TNKS: variants seen among roughly 807,000 people sequenced by gnomAD.
TNKS encodes the protein poly [ADP-ribose] polymerase tankyrase-1.
A neutral mutation model predicts 135.8 loss-of-function variants in TNKS; 72 were observed. The observed-to-expected ratio is 0.53, with a 90% CI of 0.44 to 0.64. The LOEUF (loss-of-function observed/expected upper bound fraction) is 0.64, where lower values mean the gene tolerates loss of function less well. Among genes scored for constraint, TNKS ranks in the 30% least tolerant of loss-of-function variants. TNKS has a pLI of 0.00. For synonymous variants in TNKS, 849 were observed against 649.3 expected (o/e 1.31, Z -4.68); for missense variants, 1,769 against 1,674.0 (o/e 1.06, Z -0.99).
intron 3 of TNKS, among the ~76,000 whole-genome samples, chr8:9,642,711 C>T (rs1218280908): frequency 2.1e-5 from 3 of 145,622 alleles, no homozygotes; most frequent in African/African-American, 7.6e-5. Context: ...GCTGTAGATA[C>T]TTTAATTCTC....
At chr8:9,644,133 T>C (rs1800823176) in intron 3 of TNKS, among the ~76,000 whole-genome samples, 2 of 151,908 alleles carry the variant, frequency 1.3e-5, no homozygotes, top group Admixed American at 1.3e-4. Flanking sequence ...GAATGGGGAA[T>C]TAGTGTTTAA....
At chr8:9,698,123 C>T (rs993253898) in intron 5 of TNKS, among the ~76,000 whole-genome samples, 2 of 152,022 alleles carry the variant, frequency 1.3e-5, no homozygotes, top group African/African-American at 4.8e-5. Flanking sequence ...AGCCAGAGGC[C>T]ATTAACCTAA....
chr8:9,756,564 G>GA (rs200289671), intron 20 of TNKS, among the ~76,000 whole-genome samples: 29 of 150,380 alleles, frequency 1.9e-4, no homozygotes, highest in African/African-American at 3.4e-4. Context: ...ATGATTTTCA[G>GA]AAAAAAAAAT....
At chr8:9,755,389 C>T (rs1212307024) in intron 20 of TNKS, among the ~76,000 whole-genome samples, 1 of 152,116 alleles carries the variant, frequency 6.6e-6, no homozygotes, top group African/African-American at 2.4e-5. Context: ...TTTTATTGAT[C>T]AATACATAGA....
intron 12 of TNKS, among the ~76,000 whole-genome samples, chr8:9,724,312 G>A (rs1012025155): frequency 6.6e-6 from 1 of 152,044 alleles, no homozygotes; most frequent in African/African-American, 2.4e-5. Context: ...AATTAGCCGG[G>A]TATGGTGGTG....
chr8:9,592,654 ATTC>A (rs1350311804), intron 2 of TNKS, among the ~76,000 whole-genome samples: 1 of 152,192 alleles, frequency 6.6e-6, no homozygotes, highest in African/African-American at 2.4e-5. Context: ...TTTCATACGT[ATTC>A]TTATTGTCTA....
At chr8:9,605,594 C>G (rs1334738476) in intron 2 of TNKS, among the ~76,000 whole-genome samples, 1 of 152,044 alleles carries the variant, frequency 6.6e-6, no homozygotes, top group Non-Finnish European at 1.5e-5. Context: ...TTAAACCATT[C>G]ATTTGTAATG....
chr8:9,556,156 G>C lies in TNKS; in HGVS notation c.217G>C (p.Asp73His), dbSNP rs762077525. The C allele has an allele frequency of 6.2e-7, 1 of 1,609,770 alleles. No homozygotes were observed. The highest frequency in any genetic ancestry group is 1.1e-5 in the South Asian group (1 of 90,836). Residue 73 changes from aspartate (D) to histidine (H), a missense_variant, in exon 1 of 27, where the codon GAT becomes CAT. Physicochemically the swap from Asp to His is moderately conservative, Grantham distance 81. Transcript: ENST00000310430. Reference protein sequence around the residue: ...LALPEGDGSRDPPDRPRSPDP... With the variant: ...LALPEGDGSRHPPDRPRSPDP... ...GCTGCCGGAGGGGGATGGCAGTCGGGATCCGCCCGACAGGCCCCGATCCCC... is the reference window on the plus strand; with the variant it reads ...GCTGCCGGAGGGGGATGGCAGTCGGCATCCGCCCGACAGGCCCCGATCCCC...
chr8:9,627,227 G>A (rs1480696746), intron 3 of TNKS, among the ~76,000 whole-genome samples: 1 of 152,128 alleles, frequency 6.6e-6, no homozygotes, highest in Non-Finnish European at 1.5e-5. Flanking sequence ...CCCATCCCTT[G>A]CCATATGCAT....
intron 14 of TNKS, among the ~76,000 whole-genome samples, chr8:9,731,760 T>C (rs1177924586): frequency 6.6e-6 from 1 of 152,154 alleles, no homozygotes; most frequent in Non-Finnish European, 1.5e-5. Flanking sequence ...AATGCTTGTA[T>C]ATAGTATTTT....
intron 22 of TNKS, among the ~76,000 whole-genome samples, 161 bp from the exon 23 acceptor site, chr8:9,764,553 TTA>T (rs1488229324): frequency 6.6e-5 from 10 of 152,202 alleles, no homozygotes; most frequent in African/African-American, 2.4e-4. Flanking sequence ...AATTTAATAT[TTA>T]TGTTTGAAAT....
chr8:9,620,839 T>C (rs1459178062), intron 3 of TNKS, among the ~76,000 whole-genome samples: 2 of 152,222 alleles, frequency 1.3e-5, no homozygotes, highest in African/African-American at 4.8e-5. Context: ...TATCTGGCAT[T>C]GCATTGTGTT....
chr8:9,747,910 G>T, intron 17 of TNKS, 114 bp from the exon 18 acceptor site: 1 of 1,001,932 alleles, frequency 1.0e-6, no homozygotes, highest in Non-Finnish European at 1.4e-6. Context: ...CTTCTGTTAA[G>T]GATGAAAATG....
intron 3 of TNKS, among the ~76,000 whole-genome samples, chr8:9,652,540 A>G (rs1801185034): frequency 6.6e-6 from 1 of 152,182 alleles, no homozygotes; most frequent in Admixed American, 6.5e-5. Context: ...TTGTTTAAAT[A>G]AAATATGTTT....
intron 2 of TNKS, among the ~76,000 whole-genome samples, chr8:9,594,880 A>C (rs1157030825): frequency 6.6e-6 from 1 of 152,204 alleles, no homozygotes. Context: ...CTACTGGAGA[A>C]CTTCACTGGA....
rs771151429 is a variant in TNKS at position 9,778,146 on chromosome 8, A to T, written c.*1410A>T. 1,340 of 8,896 alleles carry T rather than the reference A, an allele frequency of 0.15. 13 individuals are homozygous for T. The highest frequency in any genetic ancestry group is 0.27 in the African/African-American group (147 of 544). The allele number at this position is 8,896 out of a possible 1,614,324, so 0.6% of individuals were successfully genotyped here. Reference sequence around the variant, plus strand: ...TTACCAAGTGCCATTGACATTTATAAAAAAAAATGATCCTTTATAGTTCTT... The same window carrying T: ...TTACCAAGTGCCATTGACATTTATATAAAAAAATGATCCTTTATAGTTCTT... On this transcript the variant is annotated 3_prime_UTR_variant, in exon 27 of 27. Transcript: ENST00000310430.
intron 1 of TNKS, among the ~76,000 whole-genome samples, chr8:9,563,631 T>G (rs180715891): frequency 1.3e-5 from 2 of 152,196 alleles, no homozygotes; most frequent in Non-Finnish European, 2.9e-5. Flanking sequence ...TTCTTGAAAT[T>G]ATTTTTTCTT....
rs1315198508 is a variant in TNKS, at chr8:9,764,776, T to C, written c.3433T>C (p.Tyr1145His). ...TAATGCTGGCGGCATCTTCAACAGA[T>C]ACAATGTCATTCGAGTAAGTTTTTA... is the stretch of plus-strand genomic sequence containing the variant. ...GGNAGGIFNR[Y>H]NVIRIQKVVN... The change falls in exon 23 of 27, where the codon TAC becomes CAC. Residue 1145 changes from tyrosine to histidine, a missense_variant. Around this residue, in one of 5 missense-constraint regions of TNKS, gnomAD observed 722 missense variants for 688.9 expected, o/e 1.05. Transcript: ENST00000310430. 6.3e-7 allele frequency: 1 copy of C among 1,594,132 alleles called. No individual in the cohort carries two copies. Among genetic ancestry groups the C allele is most frequent in the Non-Finnish European group, 8.5e-7 (1 of 1,172,046 alleles).
At chr8:9,570,551 A>G (rs1208130470) in intron 1 of TNKS, among the ~76,000 whole-genome samples, 2 of 152,214 alleles carry the variant, frequency 1.3e-5, no homozygotes, top group Non-Finnish European at 2.9e-5. Context: ...CGGTTAGTAC[A>G]GCATTTTCAC....
Sources: allele counts gnomAD v4.1 joint callset (sites outside exome capture counted in the v4.1 genomes callset), GRCh38; gene constraint gnomAD v4.1.1; regional missense constraint gnomAD v4.1.1; transcripts MANE v1.5; gene names NCBI Gene and HGNC (gene_info 2026-07-23, HGNC 2026-07-21).